Variants in NBPF15 observed in about 807,000 individuals in gnomAD.
NBPF15 encodes the protein NBPF family member NBPF15.
NBPF15 carries 74 observed loss-of-function variants against 62.2 expected under a neutral mutation model. That is an observed-to-expected ratio of 1.19 (90% CI 0.99 to 1.44). The LOEUF is 1.44. NBPF15 is among the 40% of genes most tolerant of loss of function. NBPF15 has a pLI of 0.00. For missense variants in NBPF15, 790 were observed against 550.0 expected (o/e 1.44, Z -4.36); for synonymous variants, 244 against 209.7 (o/e 1.16, Z -1.41).
intron 10 of NBPF15, among the ~76,000 whole-genome samples, chr1:144,436,496 G>T (rs375312096): frequency 6.6e-6 from 1 of 151,914 alleles, no homozygotes; most frequent in Non-Finnish European, 1.5e-5. Flanking sequence ...CGGAGAGAGA[G>T]AAACTCAGGA....
rs1212669156 is a variant in NBPF15, at chr1:144,442,238, ATAT to A, written c.-190-1946_-190-1944del. On this transcript the variant is annotated intron_variant, in intron 6 of 21. Coordinates refer to ENST00000581897, the MANE Select transcript of NBPF15 (RefSeq NM_001385408.1). ...TATATAATATATATATTAATAATAT[ATAT>A]TATTAATATAGATGTAGGCCATTAT... 1.5e-4 allele frequency among the ~76,000 whole-genome samples: 18 copies of A among 119,854 alleles called. No individual in the cohort carries two copies. The East Asian group carries it at 2.7e-3, about 18-fold the overall frequency. 78.6% of individuals were successfully genotyped at this position (119,854 alleles called of 152,430 possible).
chr1:144,427,480 G>A (rs1277001113), intron 16 of NBPF15, among the ~76,000 whole-genome samples: 1 of 149,972 alleles, frequency 6.7e-6, no homozygotes, highest in Non-Finnish European at 1.5e-5. Context: ...GATTTTAGAC[G>A]CTGAAATTAG....
At chr1:144,439,736 G>T (rs1681427291) in intron 8 of NBPF15, 93 bp downstream of exon 8, 1 of 912,550 alleles carries the variant, frequency 1.1e-6, no homozygotes, top group Non-Finnish European at 1.8e-6. Context: ...CAGGAAGGAT[G>T]AAATTATTTT....
chr1:144,446,219 T>TAAATA (rs1553544018), intron 6 of NBPF15, among the ~76,000 whole-genome samples: 2 of 151,162 alleles, frequency 1.3e-5, no homozygotes, highest in African/African-American at 4.9e-5. Context: ...TATTCTTATT[T>TAAATA]CATTTTCCAA....
At chr1:144,432,990 A>G (rs1410444079) in intron 13 of NBPF15, among the ~76,000 whole-genome samples, 1 of 151,866 alleles carries the variant, frequency 6.6e-6, no homozygotes, top group Non-Finnish European at 1.5e-5. Context: ...ACCCCAAATC[A>G]ACAGAATATA....
chr1:144,457,044 T>C (rs1219000860), intron 3 of NBPF15, among the ~76,000 whole-genome samples: 5 of 151,638 alleles, frequency 3.3e-5, no homozygotes, highest in African/African-American at 1.2e-4. Context: ...CCCAGCATGG[T>C]GGCACACACT....
chr1:144,428,043 C>G (rs1221629042), intron 15 of NBPF15, 53 bp from the exon 16 acceptor site: 22 of 784,570 alleles, frequency 2.8e-5, no homozygotes, highest in East Asian at 1.2e-4. Context: ...AGAAACCACA[C>G]AGTCCCAGCT....
chr1:144,446,016 T>C (rs1397246462), intron 6 of NBPF15, among the ~76,000 whole-genome samples: 10 of 148,692 alleles, frequency 6.7e-5, no homozygotes, highest in Non-Finnish European at 1.2e-4. Context: ...CCACCATGCC[T>C]AGCTAATTTT....
At chr1:144,448,436 C>T (rs1429511928) in intron 6 of NBPF15, among the ~76,000 whole-genome samples, 3 of 151,976 alleles carry the variant, frequency 2.0e-5, no homozygotes, top group Admixed American at 2.0e-4. Context: ...TCATGGCCAC[C>T]TGTTTGCTCA....
At chr1:144,431,313 G>A (rs1674068888) in intron 13 of NBPF15, among the ~76,000 whole-genome samples, 2 of 150,426 alleles carry the variant, frequency 1.3e-5, no homozygotes, top group South Asian at 4.2e-4. Context: ...AATGCTAAGG[G>A]CAGCCAGAGA....
intron 4 of NBPF15, among the ~76,000 whole-genome samples, chr1:144,455,659 C>T (rs1396531370): frequency 1.3e-5 from 2 of 152,026 alleles, no homozygotes; most frequent in South Asian, 2.1e-4. Context: ...TGACATCGTC[C>T]ATTTGTCATT....
intron 15 of NBPF15, among the ~76,000 whole-genome samples, chr1:144,428,349 C>A (rs1205972808): frequency 2.0e-5 from 3 of 151,846 alleles, no homozygotes; most frequent in Admixed American, 6.6e-5. Flanking sequence ...AAAATGTGCT[C>A]AAGTTTCCCT....
chr1:144,447,015 T>C (rs1688027971), intron 6 of NBPF15, among the ~76,000 whole-genome samples: 1 of 150,034 alleles, frequency 6.7e-6, no homozygotes, highest in Non-Finnish European at 1.5e-5. Context: ...TTCCCATCCA[T>C]TACATCCCAG....
At position 144,438,361 on chromosome 1, in the gene NBPF15, C is replaced by G. The variant is rs1241930498; in HGVS notation, c.176-314G>C. Among the ~76,000 whole-genome samples, 178 of 151,800 alleles carry G rather than the reference C, an allele frequency of 1.2e-3. 4 individuals carry two copies. The highest frequency in any genetic ancestry group is 3.2e-4 in the Non-Finnish European group (22 of 67,982). On this transcript the variant is annotated intron_variant, in intron 8 of 21. Coordinates refer to ENST00000581897, the MANE Select transcript of NBPF15 (RefSeq NM_001385408.1). ...CTGAATGCGGGGCCACTTTCCCAAG[C>G]CTTGCAGCCTCTCCTCTAAAACACT...
intron 6 of NBPF15, among the ~76,000 whole-genome samples, chr1:144,446,108 C>G (rs374069383): frequency 6.6e-6 from 1 of 151,470 alleles, no homozygotes; most frequent in Admixed American, 6.6e-5. Flanking sequence ...CCACCTCGGC[C>G]TCCCAAAGTG....
chr1:144,450,721 AAATC>A, intron 5 of NBPF15, 47 bp downstream of exon 5: 2 of 493,684 alleles, frequency 4.1e-6, no homozygotes, highest in Non-Finnish European at 5.2e-6. Context: ...TAAGAGAAAA[AAATC>A]AATCAACCAA....
chr1:144,427,963 T>G lies in NBPF15; in HGVS notation c.1068A>C (p.Lys356Asn). ...PRLSRELLDE[K>N]EPEVLQDSLD... ...GTGAGTCCTGCAAGACTTCAGGCTC[T>G]TTCTCATCCAGCAGCTCCCTGCTGA... is the stretch of plus-strand genomic sequence containing the variant. Residue 356 changes from lysine (K) to asparagine (N), a missense_variant, in exon 16 of 22, where the codon AAA becomes AAC. Transcript: ENST00000581897. The G allele has an allele frequency of 2.6e-6, 2 of 782,314 alleles. No homozygotes were observed. The highest frequency in any genetic ancestry group is 3.5e-4 in the Middle Eastern group (1 of 2,822). 48.5% of individuals were successfully genotyped at this position (782,314 alleles called of 1,614,324 possible).
chr1:144,428,189 A>G (rs1671297851), intron 15 of NBPF15, among the ~76,000 whole-genome samples, 199 bp from the exon 16 acceptor site: 4 of 150,550 alleles, frequency 2.7e-5, no homozygotes, highest in African/African-American at 9.8e-5. Context: ...ACACACACAC[A>G]CACACACACA....
In NBPF15 at chr1:144,432,523, A is replaced by G. The variant is rs1444931175; in HGVS notation, c.824+1250T>C. Among the ~76,000 whole-genome samples the G allele has an allele frequency of 2.0e-5, 3 of 151,982 alleles. No individual in the cohort carries two copies. In the East Asian group the frequency reaches 5.8e-4, roughly 29 times the overall value. On this transcript the variant is annotated intron_variant, in intron 13 of 21. Coordinates refer to ENST00000581897, the MANE Select transcript of NBPF15 (RefSeq NM_001385408.1). The stretch of plus-strand genomic sequence containing the variant: ...AAAAACACAGAATGGCAAATTGGAT[A>G]AAGAGTCAAGACCCATCAGTGTGCT...
Sources: gnomAD v4.1 joint callset for allele counts (sites outside exome capture counted in the v4.1 genomes callset) on GRCh38, gnomAD v4.1.1 for gene constraint, MANE v1.5 for transcripts, NCBI Gene and HGNC (gene_info 2026-07-23, HGNC 2026-07-21) for gene names.